The following NAALADL2 variants were observed in gnomAD, a reference collection of about 807,000 sequenced individuals.
NAALADL2 encodes the protein N-acetylated alpha-linked acidic dipeptidase like 2.
NAALADL2 carries 76 observed loss-of-function variants against 87.2 expected under a neutral mutation model. The observed-to-expected ratio is 0.87, with a 90% CI of 0.72 to 1.05. NAALADL2 has a LOEUF of 1.05. Among genes scored for constraint, NAALADL2 ranks in the 50% least tolerant of loss-of-function variants. NAALADL2 has a pLI of 0.00. For missense variants in NAALADL2, 1,089 were observed against 945.8 expected (o/e 1.15, Z -1.99); for synonymous variants, 354 against 331.0 (o/e 1.07, Z -0.75).
In NAALADL2 at chr3:175,703,541, G is replaced by A. The variant is rs202141898; in HGVS notation, c.1897-33765G>A. ...GCGGATCACCTGAGGTCAGGAGTTC[G>A]AGACCAGCCTGACCAACATGGTGAA... On this transcript the variant is annotated intron_variant, in intron 11 of 13. Transcript: ENST00000454872. Among the ~76,000 whole-genome samples, 72 of 152,178 alleles carry A rather than the reference G, an allele frequency of 4.7e-4. 1 individual carries two copies. The East Asian group carries it at 0.011, about 23-fold the overall frequency.
chr3:174,801,360 C>A (rs1325368497), intron 3 of NAALADL2, among the ~76,000 whole-genome samples: 2 of 152,208 alleles, frequency 1.3e-5, no homozygotes. Flanking sequence ...CACAAGCTCT[C>A]TCTTTGCCTG....
rs112394018 is a variant in NAALADL2, at chr3:174,622,876, T to TA, written c.-115+72246dup. ...TAACTTGGTGAAACCCCGCCTCTAC[T>TA]AAAAAAAGTACAAAAAATTAGCCAG... On this transcript the variant is annotated intron_variant, in intron 2 of 3. Coordinates refer to the NAALADL2 transcript ENST00000434257. Among the ~76,000 whole-genome samples the TA allele has an allele frequency of 9.5e-3, 1,448 of 152,132 alleles. 17 individuals carry two copies. The highest frequency in any genetic ancestry group is 0.023 in the African/African-American group (949 of 41,520).
At chr3:174,818,055 A>G (rs1720992564) in intron 3 of NAALADL2, among the ~76,000 whole-genome samples, 1 of 152,100 alleles carries the variant, frequency 6.6e-6, no homozygotes, top group African/African-American at 2.4e-5. Context: ...TGGATTAGTC[A>G]TTGATTTGTG....
intron 13 of NAALADL2, among the ~76,000 whole-genome samples, chr3:175,776,622 A>G (rs1750280088): frequency 6.6e-6 from 1 of 152,122 alleles, no homozygotes; most frequent in African/African-American, 2.4e-5. Context: ...GTTATCCCAA[A>G]GTCTGCATCT....
chr3:175,010,898 A>G (rs1749687031), intron 1 of NAALADL2, among the ~76,000 whole-genome samples: 1 of 152,142 alleles, frequency 6.6e-6, no homozygotes, highest in Admixed American at 6.6e-5. Context: ...TGTTTCTCAC[A>G]TATAATCTAC....
At chr3:175,183,598 T>A (rs182458176) in intron 2 of NAALADL2, among the ~76,000 whole-genome samples, 45 of 152,234 alleles carry the variant, frequency 3.0e-4, no homozygotes, top group African/African-American at 9.9e-4. Context: ...GATCATGTTT[T>A]TTGTCTTGCA....
intron 3 of NAALADL2, among the ~76,000 whole-genome samples, chr3:174,804,828 C>G (rs751541063): frequency 6.6e-6 from 1 of 152,042 alleles, no homozygotes; most frequent in Middle Eastern, 3.2e-3. Flanking sequence ...AAATTTAATA[C>G]TAAGAGTAAT....
At chr3:174,873,692 A>G (rs1195419850) in intron 1 of NAALADL2, among the ~76,000 whole-genome samples, 2 of 152,202 alleles carry the variant, frequency 1.3e-5, no homozygotes, top group South Asian at 2.1e-4. Context: ...GTCAAATGAA[A>G]TCTGGGAAGC....
intron 10 of NAALADL2, among the ~76,000 whole-genome samples, chr3:175,578,460 C>A (rs1442123261): frequency 1.3e-5 from 2 of 151,982 alleles, no homozygotes; most frequent in Non-Finnish European, 2.9e-5. Flanking sequence ...AAAAGAAGCC[C>A]ATAATATCTA....
At position 175,568,114 on chromosome 3, in the gene NAALADL2, AT is replaced by A. The variant is rs112937547; in HGVS notation, c.1654-7914del. On this transcript the variant is annotated intron_variant, in intron 9 of 13. Coordinates refer to ENST00000454872, the MANE Select transcript of NAALADL2 (RefSeq NM_207015.3). The stretch of plus-strand genomic sequence containing the variant: ...ATTGCAAGTTATATATTAATTTTTA[AT>A]TTTTTTTTTTTTACTATTCTGGAGA... Among the ~76,000 whole-genome samples the A allele has an allele frequency of 2.3e-3, 342 of 146,690 alleles. 2 individuals are homozygous for A. Among genetic ancestry groups the A allele is most frequent in the East Asian group, 4.9e-3 (25 of 5,070 alleles).
intron 1 of NAALADL2, among the ~76,000 whole-genome samples, chr3:174,510,007 T>G (rs12488952): frequency 0.1 from 15,967 of 152,162 alleles, 1,511 homozygotes; most frequent in East Asian, 0.42. Flanking sequence ...TGATCATTTT[T>G]TTTTGCTTTT....
At chr3:175,605,925 C>T (rs1325172253) in intron 10 of NAALADL2, among the ~76,000 whole-genome samples, 3 of 152,034 alleles carry the variant, frequency 2.0e-5, no homozygotes, top group African/African-American at 7.2e-5. Context: ...AGCTCAGTAT[C>T]CTTTGGTGGA....
intron 9 of NAALADL2, among the ~76,000 whole-genome samples, chr3:175,499,621 G>T (rs1033424847): frequency 5.3e-5 from 8 of 151,920 alleles, no homozygotes; most frequent in African/African-American, 1.7e-4. Flanking sequence ...TATGCGACAG[G>T]TCCGTGATTC....
intron 7 of NAALADL2, among the ~76,000 whole-genome samples, chr3:175,464,305 C>T (rs1462033625): frequency 6.6e-6 from 1 of 151,622 alleles, no homozygotes; most frequent in African/African-American, 2.4e-5. Context: ...AAATGGTCAC[C>T]TGCAGCTACT....
intron 13 of NAALADL2, among the ~76,000 whole-genome samples, chr3:175,772,091 T>G (rs187462292): frequency 6.6e-6 from 1 of 152,248 alleles, no homozygotes; most frequent in Admixed American, 6.5e-5. Flanking sequence ...CGTATCAACA[T>G]CTGCAAAGAC....
chr3:174,797,549 A>G (rs1047254338), intron 3 of NAALADL2, among the ~76,000 whole-genome samples: 1 of 151,674 alleles, frequency 6.6e-6, no homozygotes, highest in African/African-American at 2.4e-5. Flanking sequence ...CCACTGATCT[A>G]TGTCTATTTT....
intron 1 of NAALADL2, among the ~76,000 whole-genome samples, chr3:174,882,766 CACGTGTATATATACATAT>C (rs1729520056): frequency 1.5e-5 from 2 of 137,104 alleles, no homozygotes; most frequent in African/African-American, 5.5e-5. Flanking sequence ...TATATATACA[CACGTGTATATATACATAT>C]GTGTATATAT....
At chr3:175,686,943 T>A (rs1037776468) in intron 11 of NAALADL2, among the ~76,000 whole-genome samples, 5 of 152,154 alleles carry the variant, frequency 3.3e-5, no homozygotes, top group Non-Finnish European at 5.9e-5. Flanking sequence ...TTAATATCAC[T>A]CTGTGGCATT....
intron 2 of NAALADL2, among the ~76,000 whole-genome samples, chr3:174,719,349 A>G (rs983887348): frequency 2.0e-5 from 3 of 152,184 alleles, no homozygotes; most frequent in South Asian, 2.1e-4. Flanking sequence ...GTAAATGGCC[A>G]TATGCAGGTT....
Sources: gnomAD v4.1 joint callset for allele counts (sites outside exome capture counted in the v4.1 genomes callset) on GRCh38, gnomAD v4.1.1 for gene constraint, MANE v1.5 for transcripts, NCBI Gene and HGNC (gene_info 2026-07-23, HGNC 2026-07-21) for gene names.